CTIF: variants seen among roughly 807,000 people sequenced by gnomAD.
The protein encoded by CTIF is cap binding complex dependent translation initiation factor.
A neutral mutation model predicts 66.0 loss-of-function variants in CTIF; 21 were observed. The observed-to-expected ratio is 0.32, with a 90% CI of 0.23 to 0.46. CTIF has a LOEUF of 0.46. CTIF is among the 20% of genes least tolerant of loss of function. The probability of loss-of-function intolerance (pLI) is 1.00; values close to 1 mark genes in which losing one functional copy is unlikely to be tolerated. For synonymous variants in CTIF, 345 were observed against 326.4 expected (o/e 1.06, Z -0.62); for missense variants, 739 against 812.7 (o/e 0.91, Z 1.10).
intron 10 of CTIF, among the ~76,000 whole-genome samples, chr18:48,853,808 A>C (rs2069262849): frequency 6.6e-6 from 1 of 152,214 alleles, no homozygotes; most frequent in Admixed American, 6.5e-5. Flanking sequence ...GGATGGATGC[A>C]ACGTGACAGG....
chr18:48,597,505 G>A (rs1030263657), intron 1 of CTIF, among the ~76,000 whole-genome samples: 2 of 152,112 alleles, frequency 1.3e-5, no homozygotes, highest in African/African-American at 4.8e-5. Context: ...GGTGATAAGC[G>A]AACTCTCTCC....
intron 6 of CTIF, among the ~76,000 whole-genome samples, chr18:48,702,296 G>A (rs1038514570): frequency 3.9e-5 from 6 of 152,190 alleles, no homozygotes; most frequent in East Asian, 1.9e-4. Flanking sequence ...CTCTGGAACC[G>A]CAGTGCTGTG....
In CTIF at chr18:48,828,553, C is replaced by T. The variant is rs569467884; in HGVS notation, c.1527+11177C>T. Reference sequence around the variant, plus strand: ...CCTAATTAGGGAGAGAGAATGATTTCGCCTATCTCCCCTTGCTTGAAAACA... The same window carrying T: ...CCTAATTAGGGAGAGAGAATGATTTTGCCTATCTCCCCTTGCTTGAAAACA... On this transcript the variant is annotated intron_variant, in intron 10 of 11. Coordinates refer to ENST00000256413, the MANE Select transcript of CTIF (RefSeq NM_014772.3). Among the ~76,000 whole-genome samples the T allele has an allele frequency of 1.4e-4, 21 of 152,320 alleles. 1 individual carries two copies. The South Asian group carries it at 3.7e-3, about 27-fold the overall frequency.
intron 1 of CTIF, among the ~76,000 whole-genome samples, chr18:48,582,312 C>T (rs941318639): frequency 6.6e-6 from 1 of 151,914 alleles, no homozygotes; most frequent in Non-Finnish European, 1.5e-5. Flanking sequence ...ATGGACCACG[C>T]ATGGTGTGGA....
intron 9 of CTIF, among the ~76,000 whole-genome samples, chr18:48,789,858 G>A (rs2067754292): frequency 6.6e-6 from 1 of 152,206 alleles, no homozygotes; most frequent in African/African-American, 2.4e-5. Context: ...ACCCCATGCT[G>A]CTTCCTAGGA....
At chr18:48,766,128 A>G (rs1399203803) in intron 9 of CTIF, among the ~76,000 whole-genome samples, 2 of 125,750 alleles carry the variant, frequency 1.6e-5, no homozygotes, top group Non-Finnish European at 3.2e-5. Context: ...AACAAAACAG[A>G]CATTTCTTAA....
At chr18:48,836,880 C>T (rs2068822725) in intron 10 of CTIF, among the ~76,000 whole-genome samples, 1 of 152,232 alleles carries the variant, frequency 6.6e-6, no homozygotes, top group East Asian at 1.9e-4. Context: ...TGCCATCAGC[C>T]TGCTGAGAGG....
intron 6 of CTIF, among the ~76,000 whole-genome samples, chr18:48,703,854 G>A (rs2092116638): frequency 6.6e-6 from 1 of 152,238 alleles, no homozygotes; most frequent in Non-Finnish European, 1.5e-5. Flanking sequence ...GGAGAAGGGA[G>A]GCGAGCAGGT....
chr18:48,732,003 C>T (rs919031566), intron 7 of CTIF, among the ~76,000 whole-genome samples: 16 of 152,372 alleles, frequency 1.1e-4, no homozygotes, highest in Admixed American at 3.9e-4. Context: ...CGGCTCCATT[C>T]GGCCCACAGG....
chr18:48,763,408 C>T (rs1159124435), intron 9 of CTIF, among the ~76,000 whole-genome samples: 1 of 152,240 alleles, frequency 6.6e-6, no homozygotes, highest in Non-Finnish European at 1.5e-5. Flanking sequence ...TCCTGGGGAA[C>T]AGTCAGCCAC....
intron 2 of CTIF, among the ~76,000 whole-genome samples, chr18:48,627,428 G>C (rs2090623093): frequency 6.6e-6 from 1 of 152,080 alleles, no homozygotes; most frequent in African/African-American, 2.4e-5. Context: ...GGCTCGCTTA[G>C]GAGTGAGGAT....
At chr18:48,766,547 A>G (rs1394581179) in intron 9 of CTIF, among the ~76,000 whole-genome samples, 1 of 152,240 alleles carries the variant, frequency 6.6e-6, no homozygotes. Context: ...AATCAGTTGA[A>G]TTAGATTCTC....
At chr18:48,599,830 C>T (rs921694874) in intron 1 of CTIF, among the ~76,000 whole-genome samples, 14 of 152,144 alleles carry the variant, frequency 9.2e-5, no homozygotes, top group Non-Finnish European at 1.6e-4. Context: ...CTGTGTCTTG[C>T]GTAGATGGAC....
chr18:48,615,681 G>T (rs1241477882), intron 1 of CTIF, among the ~76,000 whole-genome samples: 2 of 152,342 alleles, frequency 1.3e-5, no homozygotes, highest in Admixed American at 1.3e-4. Flanking sequence ...CAGCCGCATG[G>T]GGCGCTAGCT....
intron 9 of CTIF, among the ~76,000 whole-genome samples, chr18:48,776,264 C>A (rs558349329): frequency 6.6e-6 from 1 of 152,264 alleles, no homozygotes; most frequent in Non-Finnish European, 1.5e-5. Context: ...TGTGCCCCAA[C>A]CAGCCCCTCT....
intron 3 of CTIF, among the ~76,000 whole-genome samples, chr18:48,650,513 T>A (rs1251261203): frequency 1.3e-5 from 2 of 152,194 alleles, no homozygotes; most frequent in African/African-American, 4.8e-5. Context: ...TTGGTGTACC[T>A]GAAAGCAAAA....
intron 1 of CTIF, among the ~76,000 whole-genome samples, chr18:48,558,490 G>C (rs1267147364): frequency 6.6e-6 from 1 of 152,194 alleles, no homozygotes; most frequent in Non-Finnish European, 1.5e-5. Context: ...TTCAATTTCA[G>C]CCTAAGGCTA....
At position 48,711,689 on chromosome 18, in the gene CTIF, A is replaced by G; in HGVS notation, c.578A>G (p.Asp193Gly). 6.2e-7 allele frequency: 1 copy of G among 1,613,846 alleles called. No individual in the cohort carries two copies. The highest frequency in any genetic ancestry group is 8.5e-7 in the Non-Finnish European group (1 of 1,179,774). The change falls in exon 7 of 12, where the codon GAT becomes GGT. Residue 193 changes from aspartate to glycine, a missense_variant. Coordinates refer to ENST00000256413, the MANE Select transcript of CTIF (RefSeq NM_014772.3). ...AAGCTGTTCCGCAGGAGGAGAAATGATCGAAGGTAGGAGAGACTTCGTCGT... is the reference window on the plus strand; with the variant it reads ...AAGCTGTTCCGCAGGAGGAGAAATGGTCGAAGGTAGGAGAGACTTCGTCGT... ...TKKLFRRRRN[D>G]RRRQQRPPGG...
chr18:48,655,298 A>G (rs1196586049), intron 3 of CTIF, among the ~76,000 whole-genome samples: 16 of 24,218 alleles, frequency 6.6e-4, no homozygotes, highest in African/African-American at 9.1e-4. Context: ...GAGCAAGACT[A>G]AAAAAAAAAA....
Sources: gnomAD v4.1 joint callset for allele counts (sites outside exome capture counted in the v4.1 genomes callset) on GRCh38, gnomAD v4.1.1 for gene constraint, MANE v1.5 for transcripts, NCBI Gene and HGNC (gene_info 2026-07-23, HGNC 2026-07-21) for gene names.